The following NPHP1 variants were observed in gnomAD, a reference collection of about 807,000 sequenced individuals.
NPHP1 encodes nephrocystin-1.
In NPHP1, 70 loss-of-function variants were observed where a neutral mutation model predicts 90.4. The ratio of observed to expected loss-of-function variants is 0.77; its 90% CI spans 0.64 to 0.95. The LOEUF (loss-of-function observed/expected upper bound fraction) is 0.95. Ranked by LOEUF, NPHP1 falls within the 40% of genes least tolerant of loss-of-function variation. NPHP1 has a pLI of 0.00. For missense variants in NPHP1, 764 were observed against 795.9 expected, an observed-to-expected ratio of 0.96 and a Z score of 0.48; for synonymous variants, 256 against 271.7, an observed-to-expected ratio of 0.94 and a Z score of 0.57.
intron 4 of NPHP1, among the ~76,000 whole-genome samples, chr2:110,175,436 G>A (rs1375482916): frequency 6.6e-6 from 1 of 152,088 alleles, no homozygotes; most frequent in African/African-American, 2.4e-5. Context: ...GCCTGAAAAT[G>A]TCTTTATTTC....
rs565467734 is a variant in NPHP1 at position 110,169,689 on chromosome 2, G to A, written c.522+117C>T. 1.1e-5 allele frequency: 8 copies of A among 724,896 alleles called. No individual in the cohort carries two copies. The East Asian group carries it at 2.1e-4, about 19-fold the overall frequency. 44.9% of individuals were successfully genotyped at this position (724,896 alleles called of 1,614,324 possible). A position where few individuals can be genotyped will look rare whatever the true frequency, so the allele number is the denominator to read the frequency against. On this transcript the variant is annotated intron_variant, in intron 5 of 19. Transcript: ENST00000445609. ...ATTGTAATTATTACTTATTTAAATA[G>A]ATTGTTATAAAACTGCATTTTAAGA...
chr2:110,155,625 G>C (rs181279975), intron 11 of NPHP1, among the ~76,000 whole-genome samples: 6 of 152,276 alleles, frequency 3.9e-5, no homozygotes, highest in Admixed American at 2.6e-4. Context: ...GGAGTCAAAG[G>C]AGATCATTTT....
intron 2 of NPHP1, among the ~76,000 whole-genome samples, chr2:110,192,561 G>C (rs1420596700): frequency 6.6e-6 from 1 of 152,134 alleles, no homozygotes; most frequent in South Asian, 2.1e-4. Flanking sequence ...GGGGAGAATT[G>C]AACCAAGTTG....
intron 2 of NPHP1, among the ~76,000 whole-genome samples, chr2:110,182,334 T>A (rs1460074519): frequency 6.6e-6 from 1 of 151,094 alleles, no homozygotes; most frequent in Admixed American, 6.6e-5. Flanking sequence ...CACATAATCA[T>A]GATTCTTCAA....
At chr2:110,135,145 T>G (rs958818992) in intron 16 of NPHP1, among the ~76,000 whole-genome samples, 1 of 151,878 alleles carries the variant, frequency 6.6e-6, no homozygotes, top group Non-Finnish European at 1.5e-5. Flanking sequence ...ACACTAACAA[T>G]GCACAATTTG....
At position 110,178,223 on chromosome 2, in the gene NPHP1, C is replaced by A. The variant is rs116678683; in HGVS notation, c.329+200G>T. 1.0e-3 allele frequency: 571 copies of A among 570,204 alleles called. 3 individuals are homozygous for A. Among genetic ancestry groups the A allele is most frequent in the African/African-American group, 9.7e-3 (515 of 53,164 alleles). The allele number at this position is 570,204 out of a possible 1,614,324, so 35.3% of individuals were successfully genotyped here. A position where few individuals can be genotyped will look rare whatever the true frequency, so the allele number is the denominator to read the frequency against. On this transcript the variant is annotated intron_variant, in intron 4 of 19. Coordinates refer to ENST00000445609, the MANE Select transcript of NPHP1 (RefSeq NM_001128178.3). Reference sequence around the variant, plus strand: ...AACTAAATTATAAATTGCCTGAGGGCAGAGACTATGACTTACACTTCTTTC... The same window carrying A: ...AACTAAATTATAAATTGCCTGAGGGAAGAGACTATGACTTACACTTCTTTC...
chr2:110,177,728 G>A (rs1036047942), intron 4 of NPHP1, among the ~76,000 whole-genome samples: 56 of 150,810 alleles, frequency 3.7e-4, no homozygotes, highest in African/African-American at 1.4e-3. Context: ...GACAAACAAT[G>A]CATGTCCCTA....
At chr2:110,193,547 T>C (rs11684657) in intron 2 of NPHP1, among the ~76,000 whole-genome samples, 68,624 of 151,634 alleles carry the variant, frequency 0.45, 16,698 homozygotes, top group African/African-American at 0.62. Flanking sequence ...GACTCCCACA[T>C]AATAATAATG....
chr2:110,157,614 G>C (rs190558545), intron 11 of NPHP1, among the ~76,000 whole-genome samples: 6 of 152,192 alleles, frequency 3.9e-5, no homozygotes, highest in Admixed American at 6.5e-5. Flanking sequence ...GGAAGTCAGA[G>C]ACTAGGTGTC....
intron 4 of NPHP1, among the ~76,000 whole-genome samples, chr2:110,176,040 AT>A (rs78458865): frequency 0.3 from 45,762 of 151,750 alleles, 7,586 homozygotes; most frequent in East Asian, 0.56. Flanking sequence ...CAGAATTTTC[AT>A]TTTGGTCTTT....
chr2:110,172,509 G>A (rs1322631919), intron 4 of NPHP1, among the ~76,000 whole-genome samples: 1 of 151,958 alleles, frequency 6.6e-6, no homozygotes, highest in Non-Finnish European at 1.5e-5. Flanking sequence ...GGCCAGGTGT[G>A]GCGGCTCACA....
intron 16 of NPHP1, among the ~76,000 whole-genome samples, chr2:110,133,683 T>C (rs1679957467): frequency 6.6e-6 from 1 of 151,994 alleles, no homozygotes; most frequent in Non-Finnish European, 1.5e-5. Flanking sequence ...ACAAAATATC[T>C]TTTTTCAATC....
rs777385746 is a variant in NPHP1 at position 110,160,192 on chromosome 2, G to A, written c.1018C>T (p.Leu340Phe). 1.6e-5 allele frequency: 26 copies of A among 1,609,646 alleles called. No homozygotes were observed. The highest frequency in any genetic ancestry group is 2.1e-5 in the Non-Finnish European group (25 of 1,176,160). ...LTLWSCKMIPLPGMSIQVLSR... is the reference protein window; with the variant it reads ...LTLWSCKMIPFPGMSIQVLSR... The stretch of plus-strand genomic sequence containing the variant: ...AGAACCTGTATGCTCATTCCTGGAA[G>A]AGGAATCATTTTACAGCTCCATAAT... Residue 340 changes from leucine (L) to phenylalanine (F), a missense_variant, in exon 11 of 20, where the codon CTT becomes TTT. Coordinates refer to ENST00000445609, the MANE Select transcript of NPHP1 (RefSeq NM_001128178.3).
chr2:110,161,783 A>G, intron 9 of NPHP1, 86 bp from the exon 10 acceptor site: 1 of 956,420 alleles, frequency 1.0e-6, no homozygotes, highest in South Asian at 1.4e-5. Flanking sequence ...GAACTAGAGT[A>G]CAGGCACTTC....
At chr2:110,144,602 A>C in intron 14 of NPHP1, 33 bp from the exon 15 acceptor site, 1 of 1,312,354 alleles carries the variant, frequency 7.6e-7, no homozygotes, top group Non-Finnish European at 1.1e-6. Flanking sequence ...GACAGATATA[A>C]GCTGTGGGCA....
intron 18 of NPHP1, 92 bp downstream of exon 18, chr2:110,129,094 C>CA (rs1238785556): frequency 6.9e-4 from 546 of 792,638 alleles, no homozygotes; most frequent in African/African-American, 1.2e-3. Flanking sequence ...ATCCTAGTAA[C>CA]AAAAAAAAAG....
intron 2 of NPHP1, 126 bp downstream of exon 2, chr2:110,201,295 A>G (rs1685561331): frequency 9.5e-6 from 7 of 740,536 alleles, no homozygotes; most frequent in South Asian, 1.5e-5. Context: ...TTTCTTCTAC[A>G]TTCAACTTAC....
chr2:110,131,992 G>A lies in NPHP1; in HGVS notation c.1530-201C>T, dbSNP rs147945200. On this transcript the variant is annotated intron_variant, in intron 16 of 19. Transcript: ENST00000445609. ...ACTTTTTATATTTGTTTACACTTTC[G>A]AGTCTCAACCCTGTGTTGCCATTTT... Among the ~76,000 whole-genome samples, 246 of 152,138 alleles carry A rather than the reference G, an allele frequency of 1.6e-3. 1 individual carries two copies. Among genetic ancestry groups the A allele is most frequent in the African/African-American group, 5.6e-3 (233 of 41,508 alleles).
Position 110,148,041 on chromosome 2 carries a change from A to G in NPHP1, c.1159-15T>C. ...ATGCGAGTAACCTGAAATGATAAAGAAATTAAAGTTATTGATAAAAATAAA... is the reference window on the plus strand; with the variant it reads ...ATGCGAGTAACCTGAAATGATAAAGGAATTAAAGTTATTGATAAAAATAAA... On this transcript the variant is annotated splice_polypyrimidine_tract_variant and intron_variant, in intron 12 of 19. Coordinates refer to ENST00000445609, the MANE Select transcript of NPHP1 (RefSeq NM_001128178.3). The G allele has an allele frequency of 6.7e-7, 1 of 1,499,066 alleles. No homozygotes were observed. The highest frequency in any genetic ancestry group is 9.3e-7 in the Non-Finnish European group (1 of 1,075,054). The allele number at this position is 1,499,066 out of a possible 1,614,324, so 92.9% of individuals were successfully genotyped here. A position where few individuals can be genotyped will look rare whatever the true frequency, so the allele number is the denominator to read the frequency against.
Sources: gnomAD v4.1 joint callset for allele counts (sites outside exome capture counted in the v4.1 genomes callset) on GRCh38, gnomAD v4.1.1 for gene constraint, MANE v1.5 for transcripts, NCBI Gene and HGNC (gene_info 2026-07-23, HGNC 2026-07-21) for gene names.